The following MYO5A variants were observed in gnomAD, a reference collection of about 807,000 sequenced individuals.
MYO5A encodes the protein unconventional myosin-Va.
Under a neutral mutation model 249.7 loss-of-function variants are expected in MYO5A, and 98 were observed. The observed-to-expected ratio is 0.39, with a 90% CI of 0.33 to 0.46. The LOEUF is 0.46. Ranked by LOEUF, MYO5A falls within the 20% of genes least tolerant of loss-of-function variation. MYO5A has a pLI of 0.98. For synonymous variants in MYO5A, 778 were observed against 810.6 expected, an observed-to-expected ratio of 0.96 and a Z score of 0.68; for missense variants, 1,696 against 2,308.8, an observed-to-expected ratio of 0.73 and a Z score of 5.44.
intron 1 of MYO5A, among the ~76,000 whole-genome samples, chr15:52,473,046 C>A (rs35227055): frequency 6.6e-6 from 1 of 152,212 alleles, no homozygotes; most frequent in Admixed American, 6.5e-5. Context: ...ACATTCTCTC[C>A]GGCACCTGTT....
At chr15:52,425,390 T>G (rs1269111506) in intron 4 of MYO5A, among the ~76,000 whole-genome samples, 1 of 151,626 alleles carries the variant, frequency 6.6e-6, no homozygotes, top group Non-Finnish European at 1.5e-5. Flanking sequence ...GACAGAGTCC[T>G]GCTCTGTGGC....
At chr15:52,384,951 G>A (rs1164834768) in intron 14 of MYO5A, among the ~76,000 whole-genome samples, 1 of 152,142 alleles carries the variant, frequency 6.6e-6, no homozygotes, top group Non-Finnish European at 1.5e-5. Context: ...CCCATATCCT[G>A]TACATTTGAT....
intron 27 of MYO5A, among the ~76,000 whole-genome samples, chr15:52,352,563 C>T (rs1236906776): frequency 1.3e-5 from 2 of 152,210 alleles, no homozygotes; most frequent in East Asian, 1.9e-4. Flanking sequence ...AGTTGGATCA[C>T]GAGGTCAGGA....
At chr15:52,445,394 G>A (rs915041904) in intron 1 of MYO5A, among the ~76,000 whole-genome samples, 3 of 152,004 alleles carry the variant, frequency 2.0e-5, no homozygotes, top group East Asian at 1.9e-4. Flanking sequence ...CTGCAGAACC[G>A]TAAGCCAATT....
chr15:52,466,317 T>C (rs1264111184), intron 1 of MYO5A, among the ~76,000 whole-genome samples: 2 of 152,052 alleles, frequency 1.3e-5, no homozygotes, highest in African/African-American at 4.8e-5. Context: ...AACTGAGAAA[T>C]GAGTGTGGTA....
intron 14 of MYO5A, 63 bp downstream of exon 14, chr15:52,387,766 T>C: frequency 8.0e-7 from 1 of 1,257,158 alleles, no homozygotes; most frequent in South Asian, 1.3e-5. Context: ...AAAATCATTT[T>C]TATTGTTAAA....
At chr15:52,480,053 C>T (rs57167959) in intron 1 of MYO5A, among the ~76,000 whole-genome samples, 14,743 of 152,236 alleles carry the variant, frequency 0.097, 820 homozygotes, top group Middle Eastern at 0.16. Flanking sequence ...CTCCTCTCTC[C>T]CAAACCCTAC....
intron 40 of MYO5A, among the ~76,000 whole-genome samples, chr15:52,316,407 G>A (rs1456988331): frequency 2.0e-5 from 3 of 152,040 alleles, no homozygotes; most frequent in Non-Finnish European, 2.9e-5. Flanking sequence ...CCAGATTAAT[G>A]GGACCTTCCC....
rs188833090 is a variant in MYO5A, at chr15:52,453,729, T to C, written c.28-20444A>G. Among the ~76,000 whole-genome samples, 214 of 152,208 alleles carry C rather than the reference T, an allele frequency of 1.4e-3. 1 individual carries two copies. Among genetic ancestry groups the C allele is most frequent in the African/African-American group, 4.8e-3 (200 of 41,552 alleles). On this transcript the variant is annotated intron_variant, in intron 1 of 41. Transcript: ENST00000399233. ...ATGGAATTAGATTATAGAGGTTTTT[T>C]TTAAAAAAATATTTCTGCATTTCTG...
intron 1 of MYO5A, among the ~76,000 whole-genome samples, chr15:52,524,417 G>A (rs1397085349): frequency 6.6e-6 from 1 of 151,624 alleles, no homozygotes; most frequent in Non-Finnish European, 1.5e-5. Flanking sequence ...AGCTGGGTTT[G>A]GTAGCACATG....
At chr15:52,380,667 T>A (rs2041690716) in intron 16 of MYO5A, among the ~76,000 whole-genome samples, 1 of 152,026 alleles carries the variant, frequency 6.6e-6, no homozygotes, top group Non-Finnish European at 1.5e-5. Flanking sequence ...CTCCAGAGGC[T>A]GAGGCAGGAG....
chr15:52,528,248 C>A (rs376873990), intron 1 of MYO5A, among the ~76,000 whole-genome samples: 3 of 152,178 alleles, frequency 2.0e-5, no homozygotes, highest in Non-Finnish European at 1.5e-5. Flanking sequence ...CTCGCCACCC[C>A]CAGCGCAGCT....
intron 4 of MYO5A, among the ~76,000 whole-genome samples, chr15:52,423,876 T>G (rs535954346): frequency 6.6e-6 from 1 of 152,188 alleles, no homozygotes; most frequent in Admixed American, 6.5e-5. Context: ...GCCATAAATA[T>G]TCATATAAAC....
At chr15:52,470,041 T>C (rs940524704) in intron 1 of MYO5A, among the ~76,000 whole-genome samples, 4 of 152,254 alleles carry the variant, frequency 2.6e-5, no homozygotes, top group Non-Finnish European at 5.9e-5. Context: ...GACGATTTTC[T>C]ACAGCACCAA....
intron 1 of MYO5A, among the ~76,000 whole-genome samples, chr15:52,497,269 A>C (rs192367461): frequency 1.8e-4 from 27 of 152,208 alleles, no homozygotes; most frequent in African/African-American, 6.0e-4. Context: ...GCCCGAGAAA[A>C]AAATGTTAAA....
At chr15:52,366,008 C>G (rs2040788465) in intron 23 of MYO5A, among the ~76,000 whole-genome samples, 1 of 152,082 alleles carries the variant, frequency 6.6e-6, no homozygotes, top group Non-Finnish European at 1.5e-5. Flanking sequence ...TTAGTATGGT[C>G]ATTAATTCCA....
chr15:52,329,441 A>G (rs1042817939), intron 35 of MYO5A, among the ~76,000 whole-genome samples: 1 of 152,178 alleles, frequency 6.6e-6, no homozygotes, highest in Non-Finnish European at 1.5e-5. Context: ...TGTACACTCT[A>G]ATCATTTACC....
intron 38 of MYO5A, among the ~76,000 whole-genome samples, chr15:52,321,120 A>C (rs907046058): frequency 6.6e-6 from 1 of 152,242 alleles, no homozygotes; most frequent in Non-Finnish European, 1.5e-5. Context: ...TTTAAACAGT[A>C]AACATTAGGG....
intron 30 of MYO5A, among the ~76,000 whole-genome samples, 184 bp downstream of exon 30, chr15:52,346,177 T>C (rs2039616935): frequency 6.6e-6 from 1 of 152,214 alleles, no homozygotes; most frequent in Non-Finnish European, 1.5e-5. Flanking sequence ...TTGTCAATAC[T>C]ATTACCTTAT....
Sources: allele counts gnomAD v4.1 joint callset (sites outside exome capture counted in the v4.1 genomes callset), GRCh38; gene constraint gnomAD v4.1.1; transcripts MANE v1.5; gene names NCBI Gene and HGNC (gene_info 2026-07-23, HGNC 2026-07-21).